The following LRP1B variants were observed in gnomAD, a reference collection of about 807,000 sequenced individuals.
The protein encoded by LRP1B is LDL receptor related protein 1B, also known as low-density lipoprotein receptor-related protein 1B.
LRP1B carries 217 observed loss-of-function variants against 556.6 expected under a neutral mutation model. That is an observed-to-expected ratio of 0.39 (90% CI 0.35 to 0.44). The LOEUF (loss-of-function observed/expected upper bound fraction) is 0.44, where lower values mean the gene tolerates loss of function less well. Ranked by LOEUF, LRP1B falls within the 20% of genes least tolerant of loss-of-function variation. The probability of loss-of-function intolerance (pLI) is 1.00; values close to 1 mark genes in which losing one functional copy is unlikely to be tolerated. For missense variants in LRP1B, 5,053 were observed against 5,620.8 expected (o/e 0.90, Z 3.23); for synonymous variants, 2,047 against 1,865.8 (o/e 1.10, Z -2.50).
intron 83 of LRP1B, among the ~76,000 whole-genome samples, chr2:140,313,247 TACTAATGAGA>T (rs1397827590): frequency 3.9e-5 from 6 of 151,944 alleles, no homozygotes; most frequent in African/African-American, 1.4e-4. Context: ...TAATTTACAT[TACTAATGAGA>T]ACTAATTTAT....
chr2:140,896,741 A>G (rs1341977810), intron 23 of LRP1B, among the ~76,000 whole-genome samples: 2 of 152,120 alleles, frequency 1.3e-5, no homozygotes, highest in Non-Finnish European at 2.9e-5. Flanking sequence ...TCAGCCCTCC[A>G]AAGTGTTGAG....
intron 2 of LRP1B, among the ~76,000 whole-genome samples, chr2:141,522,271 A>G (rs1204516536): frequency 1.3e-5 from 2 of 152,268 alleles, no homozygotes; most frequent in East Asian, 3.9e-4. Flanking sequence ...TTGTATCTAG[A>G]AAAATGAATA....
intron 11 of LRP1B, among the ~76,000 whole-genome samples, chr2:141,024,689 G>A (rs796912257): frequency 2.0e-5 from 3 of 152,146 alleles, no homozygotes; most frequent in African/African-American, 7.2e-5. Context: ...TTTGTTCCAT[G>A]AATTCTGGTA....
chr2:141,240,465 C>A (rs2105315049), intron 5 of LRP1B, among the ~76,000 whole-genome samples: 1 of 152,046 alleles, frequency 6.6e-6, no homozygotes, highest in Non-Finnish European at 1.5e-5. Context: ...CCAGGTAAAG[C>A]AACAGAAAAA....
At chr2:140,368,482 A>G (rs749816470) in intron 71 of LRP1B, among the ~76,000 whole-genome samples, 1 of 151,826 alleles carries the variant, frequency 6.6e-6, no homozygotes, top group Non-Finnish European at 1.5e-5. Flanking sequence ...CTTTTCCACC[A>G]GTATTATATA....
At chr2:140,296,210 T>G (rs908466048) in intron 84 of LRP1B, among the ~76,000 whole-genome samples, 4 of 152,110 alleles carry the variant, frequency 2.6e-5, no homozygotes, top group Admixed American at 2.6e-4. Context: ...GGCAGAAGAT[T>G]AGTAAAAAAT....
chr2:141,043,636 GTT>G (rs1698773898), intron 11 of LRP1B, among the ~76,000 whole-genome samples: 1 of 151,824 alleles, frequency 6.6e-6, no homozygotes, highest in African/African-American at 2.4e-5. Context: ...GATATGAAAG[GTT>G]ATTTTAACAT....
chr2:140,728,659 T>C (rs1013425643), intron 35 of LRP1B, among the ~76,000 whole-genome samples: 6 of 152,150 alleles, frequency 3.9e-5, no homozygotes, highest in African/African-American at 1.2e-4. Context: ...AACAGAGGCC[T>C]TCCCAACAAA....
chr2:140,548,403 C>T (rs1488281034), intron 43 of LRP1B, among the ~76,000 whole-genome samples: 1 of 152,116 alleles, frequency 6.6e-6, no homozygotes, highest in Non-Finnish European at 1.5e-5. Context: ...GGTAACCTGG[C>T]CAAAGTGGCA....
intron 74 of LRP1B, 130 bp from the exon 75 acceptor site, chr2:140,356,606 G>T (rs1310962350): frequency 3.2e-6 from 2 of 616,988 alleles, no homozygotes; most frequent in Admixed American, 6.3e-5. Flanking sequence ...CAAGGTTACG[G>T]TCTTCTCTCC....
At chr2:141,719,237 A>G (rs1257068719) in intron 2 of LRP1B, among the ~76,000 whole-genome samples, 1 of 152,164 alleles carries the variant, frequency 6.6e-6, no homozygotes, top group Non-Finnish European at 1.5e-5. Flanking sequence ...TTCAACAGTT[A>G]ACAATCTCAA....
chr2:141,905,419 G>A (rs1031064905), intron 1 of LRP1B, among the ~76,000 whole-genome samples: 4 of 151,566 alleles, frequency 2.6e-5, no homozygotes, highest in African/African-American at 9.7e-5. Context: ...GATCTGTGAT[G>A]ATAAATTTTG....
At chr2:140,525,092 A>C in intron 49 of LRP1B, among the ~76,000 whole-genome samples, 1 of 152,012 alleles carries the variant, frequency 6.6e-6, no homozygotes, top group Non-Finnish European at 1.5e-5. Context: ...AATTTCTTAA[A>C]ATTGTTTAAA....
At chr2:141,872,915 G>A (rs1021008663) in intron 1 of LRP1B, among the ~76,000 whole-genome samples, 3 of 151,902 alleles carry the variant, frequency 2.0e-5, no homozygotes, top group South Asian at 4.1e-4. Flanking sequence ...AAGGCTACAC[G>A]AAAACACATT....
At chr2:141,604,393 A>G (rs1046180003) in intron 2 of LRP1B, among the ~76,000 whole-genome samples, 1 of 152,128 alleles carries the variant, frequency 6.6e-6, no homozygotes, top group Non-Finnish European at 1.5e-5. Context: ...AAGGGATTAA[A>G]AATACTACTA....
chr2:141,544,333 TCTTCTTC>T (rs1378262016), intron 2 of LRP1B, among the ~76,000 whole-genome samples: 7 of 76,904 alleles, frequency 9.1e-5, no homozygotes, highest in South Asian at 5.4e-4. Context: ...TTCTTCTTCT[TCTTCTTC>T]TTCTTCTTCT....
At chr2:141,664,226 A>G (rs532102137) in intron 2 of LRP1B, among the ~76,000 whole-genome samples, 2 of 152,242 alleles carry the variant, frequency 1.3e-5, no homozygotes, top group South Asian at 4.1e-4. Flanking sequence ...CTAGGTATTG[A>G]TGGAACATAA....
At chr2:142,095,470 T>C (rs1338150108) in intron 1 of LRP1B, among the ~76,000 whole-genome samples, 1 of 151,790 alleles carries the variant, frequency 6.6e-6, no homozygotes, top group Non-Finnish European at 1.5e-5. Context: ...TGTGTGCATG[T>C]GTGTATCCTT....
chr2:141,149,264 T>C (rs895105049), intron 7 of LRP1B, among the ~76,000 whole-genome samples: 14 of 152,106 alleles, frequency 9.2e-5, no homozygotes, highest in South Asian at 2.1e-4. Flanking sequence ...ATGGTATTCA[T>C]ACTACTAGTT....
Sources: gnomAD v4.1 joint callset for allele counts (sites outside exome capture counted in the v4.1 genomes callset) on GRCh38, gnomAD v4.1.1 for gene constraint, MANE v1.5 for transcripts, NCBI Gene and HGNC (gene_info 2026-07-23, HGNC 2026-07-21) for gene names.